Variants in KDM6A observed in about 807,000 individuals in gnomAD.
KDM6A encodes the protein lysine demethylase 6A, also known as lysine-specific demethylase 6A.
Under a neutral mutation model 117.6 loss-of-function variants are expected in KDM6A, and 11 were observed. That is an observed-to-expected ratio of 0.09 (90% CI 0.06 to 0.15). KDM6A has a LOEUF of 0.15. Ranked by LOEUF, KDM6A falls within the 10% of genes least tolerant of loss-of-function variation. KDM6A has a pLI of 1.00. For missense variants in KDM6A, 799 were observed against 1,077.3 expected (o/e 0.74, Z 3.62); for synonymous variants, 384 against 396.1 (o/e 0.97, Z 0.36).
chrX:44,874,143 C>T (rs753573059), intron 2 of KDM6A, among the ~76,000 whole-genome samples, 156 bp downstream of exon 2: 21 of 111,867 alleles, frequency 1.9e-4, no homozygotes, highest in African/African-American at 6.8e-4. Context: ...CCCCCACCCC[C>T]GGGTACCCTG....
chrX:44,873,773 G>T (rs2031118321), intron 1 of KDM6A, 61 bp downstream of exon 1: 1 of 1,151,121 alleles, frequency 8.7e-7, no homozygotes, highest in Non-Finnish European at 1.2e-6. Flanking sequence ...TCTCCCGGGA[G>T]GACCGAGCGC....
At chrX:45,061,456 A>G (rs2147976899) in intron 15 of KDM6A, 37 bp downstream of exon 15, 1 of 669,048 alleles carries the variant, frequency 1.5e-6, no homozygotes, top group Non-Finnish European at 2.3e-6. Context: ...TTTATTAAAA[A>G]GGAGTAGAGG....
chrX:44,999,344 C>T (rs888983328), intron 4 of KDM6A, among the ~76,000 whole-genome samples: 4 of 111,672 alleles, frequency 3.6e-5, no homozygotes, highest in Admixed American at 1.9e-4. Flanking sequence ...ACACACGTGG[C>T]CGCCGCTGCT....
chrX:45,069,204 A>T (rs1408225784), intron 17 of KDM6A, among the ~76,000 whole-genome samples: 1 of 112,145 alleles, frequency 8.9e-6, no homozygotes, highest in Non-Finnish European at 1.9e-5. Context: ...CAGATCACAG[A>T]CCAGTGAGAG....
rs1190008554 is a variant in KDM6A at position 44,873,699 on chromosome X, G to A, written c.148G>A (p.Gly50Ser). The change falls in exon 1 of 30, where the codon GGC (glycine) becomes AGC (serine). Residue 50 changes from glycine to serine, a missense_variant. Gly to Ser is a moderately conservative substitution (Grantham distance 56). This residue lies in a region of KDM6A where 89 missense variants were observed against 117.8 expected (regional missense o/e 0.76). Transcript: ENST00000611820. ...GACAGCCGAGGAGAGGGAGGCGCTC[G>A]GCGGACTGGACAGGTACGGGCCGCC... is the stretch of plus-strand genomic sequence containing the variant. ...SLTAEEREAL[G>S]GLDSRLFGFV... 8 of 1,172,543 alleles carry A rather than the reference G, an allele frequency of 6.8e-6. No individual in the cohort carries two copies. In the South Asian group the frequency reaches 1.1e-4, roughly 17 times the overall value.
intron 4 of KDM6A, among the ~76,000 whole-genome samples, chrX:44,992,801 C>A (rs2147419066): frequency 9.0e-6 from 1 of 110,905 alleles, no homozygotes; most frequent in East Asian, 2.8e-4. Context: ...CCACCTCGGC[C>A]TTCCAAAGTG....
At chrX:44,974,175 ATC>A (rs1156530516) in intron 3 of KDM6A, among the ~76,000 whole-genome samples, 2 of 111,299 alleles carry the variant, frequency 1.8e-5, no homozygotes, top group Non-Finnish European at 3.8e-5. Context: ...TTGTTGGAGA[ATC>A]TCTGCATTTT....
At chrX:44,899,420 G>GTA (rs2034185490) in intron 2 of KDM6A, among the ~76,000 whole-genome samples, 1 of 109,929 alleles carries the variant, frequency 9.1e-6, no homozygotes, top group African/African-American at 3.3e-5. Flanking sequence ...GGGTGTGTGT[G>GTA]TATATGTTTT....
At chrX:44,890,949 A>G (rs766275797) in intron 2 of KDM6A, among the ~76,000 whole-genome samples, 6 of 110,734 alleles carry the variant, frequency 5.4e-5, no homozygotes, top group African/African-American at 1.6e-4. Context: ...TGGCCTGAAC[A>G]TCTTTCATGT....
At chrX:44,920,219 T>C (rs1382380634) in intron 2 of KDM6A, among the ~76,000 whole-genome samples, 1 of 111,429 alleles carries the variant, frequency 9.0e-6, no homozygotes, top group Admixed American at 9.5e-5. Flanking sequence ...TTCTAGTCTT[T>C]CTGTGCTGTC....
chrX:44,932,608 A>G (rs1312323823), intron 2 of KDM6A, among the ~76,000 whole-genome samples: 1 of 111,124 alleles, frequency 9.0e-6, no homozygotes, highest in Non-Finnish European at 1.9e-5. Flanking sequence ...TTTTCACTTA[A>G]CTGCCCTTTC....
At chrX:44,916,160 T>C (rs910588037) in intron 2 of KDM6A, among the ~76,000 whole-genome samples, 3 of 111,315 alleles carry the variant, frequency 2.7e-5, no homozygotes, top group African/African-American at 9.8e-5. Flanking sequence ...TCTAAGGCTT[T>C]AGGCATTCAC....
chrX:44,940,282 G>C (rs2037219526), intron 2 of KDM6A, among the ~76,000 whole-genome samples: 1 of 111,025 alleles, frequency 9.0e-6, no homozygotes, highest in Non-Finnish European at 1.9e-5. Context: ...TTGAACTCCT[G>C]ACCTCAAGTG....
intron 15 of KDM6A, among the ~76,000 whole-genome samples, 174 bp downstream of exon 15, chrX:45,061,593 G>A (rs756244332): frequency 1.0e-5 from 1 of 100,095 alleles, no homozygotes; most frequent in East Asian, 3.2e-4. Flanking sequence ...CTGTGTTAAA[G>A]TTATTCTTGT....
intron 9 of KDM6A, among the ~76,000 whole-genome samples, chrX:45,053,172 G>A (rs1225550542): frequency 9.0e-6 from 1 of 111,609 alleles, no homozygotes; most frequent in African/African-American, 3.3e-5. Context: ...GGTGGCTCAC[G>A]CCTGTAATCC....
intron 4 of KDM6A, among the ~76,000 whole-genome samples, chrX:45,010,417 G>A (rs1010550491): frequency 1.6e-4 from 18 of 111,492 alleles, no homozygotes; most frequent in African/African-American, 5.5e-4. Flanking sequence ...AGTTAGTCAG[G>A]ATAAGTGTTG....
intron 2 of KDM6A, among the ~76,000 whole-genome samples, chrX:44,887,544 G>A (rs2032991826): frequency 1.8e-5 from 2 of 111,112 alleles, no homozygotes; most frequent in South Asian, 3.8e-4. Flanking sequence ...GTGGTGTTCC[G>A]TGGCCACATC....
intron 5 of KDM6A, among the ~76,000 whole-genome samples, chrX:45,013,374 T>C (rs1373056616): frequency 8.9e-6 from 1 of 111,865 alleles, no homozygotes; most frequent in Non-Finnish European, 1.9e-5. Flanking sequence ...TTCTACCTCA[T>C]ACCAGCCAGT....
At chrX:44,913,474 AT>A (rs1196236663) in intron 2 of KDM6A, among the ~76,000 whole-genome samples, 1 of 105,812 alleles carries the variant, frequency 9.5e-6, no homozygotes. Flanking sequence ...AATTTTTTGT[AT>A]TTTTTTTTGT....
Sources: allele counts gnomAD v4.1 joint callset (sites outside exome capture counted in the v4.1 genomes callset), GRCh38; gene constraint gnomAD v4.1.1; regional missense constraint gnomAD v4.1.1; transcripts MANE v1.5; gene names NCBI Gene and HGNC (gene_info 2026-07-23, HGNC 2026-07-21).